The following PRR16 variants were observed in gnomAD, a reference collection of about 807,000 sequenced individuals.
PRR16 encodes the protein protein Largen.
PRR16 carries 6 observed loss-of-function variants against 18.2 expected under a neutral mutation model. That is an observed-to-expected ratio of 0.33 (90% CI 0.18 to 0.65). The LOEUF (loss-of-function observed/expected upper bound fraction) is 0.65, where lower values mean the gene tolerates loss of function less well. PRR16 is among the 30% of genes least tolerant of loss of function. The pLI is 0.74. For missense variants in PRR16, 412 were observed against 376.6 expected (o/e 1.09, Z -0.78); for synonymous variants, 151 against 147.8 (o/e 1.02, Z -0.16).
At chr5:120,756,560 T>A in the PRR16 span, among the ~76,000 whole-genome samples, 22,195 of 140,186 alleles carry the variant, frequency 0.16, 2,022 homozygotes, top group Non-Finnish European at 0.2. Context: ...TGTGGAGCAT[T>A]TTTTTTCATG....
At chr5:120,604,785 C>G (rs1754100323) in intron 1 of PRR16, among the ~76,000 whole-genome samples, 2 of 152,116 alleles carry the variant, frequency 1.3e-5, no homozygotes, top group Non-Finnish European at 2.9e-5. Context: ...TTCCCCTTCA[C>G]TTTTGTAGCT....
intron 1 of PRR16, among the ~76,000 whole-genome samples, chr5:120,589,489 T>C (rs1753560378): frequency 6.6e-6 from 1 of 152,072 alleles, no homozygotes; most frequent in South Asian, 2.1e-4. Flanking sequence ...GCTGTAGATT[T>C]AGGGTGGTAT....
At chr5:120,500,396 T>A (rs1423004837) in intron 1 of PRR16, among the ~76,000 whole-genome samples, 1 of 152,184 alleles carries the variant, frequency 6.6e-6, no homozygotes, top group Non-Finnish European at 1.5e-5. Flanking sequence ...TATCTTAGTG[T>A]GATATATAAT....
intron 1 of PRR16, among the ~76,000 whole-genome samples, chr5:120,545,326 A>G (rs1752042324): frequency 6.6e-6 from 1 of 152,128 alleles, no homozygotes; most frequent in East Asian, 1.9e-4. Flanking sequence ...CATTTGATTT[A>G]TATTATTACT....
At chr5:120,519,527 T>C (rs1580677838) in intron 1 of PRR16, among the ~76,000 whole-genome samples, 2 of 152,278 alleles carry the variant, frequency 1.3e-5, no homozygotes, top group East Asian at 1.9e-4. Context: ...ACTTCAAATA[T>C]GAAGCTTTTG....
chr5:120,571,780 T>G (rs1342256952), intron 1 of PRR16, among the ~76,000 whole-genome samples: 2 of 152,114 alleles, frequency 1.3e-5, no homozygotes. Context: ...TGTTAATGGG[T>G]GAAGGACATG....
intron 1 of PRR16, among the ~76,000 whole-genome samples, chr5:120,546,071 A>G (rs941328263): frequency 6.6e-6 from 1 of 152,050 alleles, no homozygotes; most frequent in African/African-American, 2.4e-5. Context: ...GCATAAGGGT[A>G]TTTTTATCAC....
the PRR16 span, among the ~76,000 whole-genome samples, chr5:120,783,236 A>G: frequency 8.5e-5 from 13 of 152,230 alleles, no homozygotes; most frequent in Non-Finnish European, 1.6e-4. Flanking sequence ...TGATTTACTC[A>G]GTATTCATAG....
At chr5:120,781,375 T>C in the PRR16 span, 50 of 152,310 alleles carry the variant, frequency 3.3e-4, no homozygotes, top group East Asian at 8.3e-3. Flanking sequence ...ATTTTTATGC[T>C]ACTTTTGATG....
At chr5:120,788,363 G>A in the PRR16 span, among the ~76,000 whole-genome samples, 13 of 152,070 alleles carry the variant, frequency 8.5e-5, no homozygotes, top group Non-Finnish European at 1.3e-4. Flanking sequence ...TTACATAACC[G>A]TTAAAACTAT....
intron 1 of PRR16, among the ~76,000 whole-genome samples, chr5:120,667,730 A>G (rs1756442830): frequency 2.0e-5 from 3 of 151,834 alleles, no homozygotes; most frequent in Non-Finnish European, 4.4e-5. Context: ...GTCATTCAGG[A>G]GCAGGTTGTT....
chr5:120,520,771 T>C (rs1751147470), intron 1 of PRR16, among the ~76,000 whole-genome samples: 1 of 152,242 alleles, frequency 6.6e-6, no homozygotes, highest in Non-Finnish European at 1.5e-5. Flanking sequence ...AAAATGGTAG[T>C]ATTTTGTTTA....
At chr5:120,498,100 TTC>T (rs1048638167) in intron 1 of PRR16, among the ~76,000 whole-genome samples, 1 of 151,298 alleles carries the variant, frequency 6.6e-6, no homozygotes, top group Non-Finnish European at 1.5e-5. Flanking sequence ...TTGGCATTCC[TTC>T]TCTCTGTTTT....
intron 1 of PRR16, among the ~76,000 whole-genome samples, chr5:120,481,463 C>T (rs1283485381): frequency 6.6e-6 from 1 of 152,000 alleles, no homozygotes; most frequent in Non-Finnish European, 1.5e-5. Context: ...GATGTTGTTT[C>T]CATGATTAGT....
intron 1 of PRR16, among the ~76,000 whole-genome samples, chr5:120,598,592 C>G (rs1016373483): frequency 1.3e-5 from 2 of 151,802 alleles, no homozygotes; most frequent in Non-Finnish European, 2.9e-5. Flanking sequence ...ACTGCCCCCT[C>G]TAGTAGTCTC....
At chr5:120,783,309 C>A in the PRR16 span, among the ~76,000 whole-genome samples, 3 of 152,108 alleles carry the variant, frequency 2.0e-5, no homozygotes, top group Non-Finnish European at 2.9e-5. Context: ...TTAAAGATTA[C>A]AATGAAGTGC....
chr5:120,737,631 T>TTTTC, the PRR16 span, among the ~76,000 whole-genome samples: 3 of 151,752 alleles, frequency 2.0e-5, no homozygotes, highest in Non-Finnish European at 4.4e-5. Flanking sequence ...TCTCTTAGTT[T>TTTTC]TTTCTTTCTT....
At chr5:120,682,161 A>G (rs1277059222) in intron 1 of PRR16, among the ~76,000 whole-genome samples, 1 of 152,054 alleles carries the variant, frequency 6.6e-6, no homozygotes, top group Non-Finnish European at 1.5e-5. Flanking sequence ...AATCACTCAC[A>G]CTCAGGTGAT....
chr5:120,528,865 A>G (rs1751455978), intron 1 of PRR16, among the ~76,000 whole-genome samples: 2 of 152,164 alleles, frequency 1.3e-5, no homozygotes, highest in South Asian at 2.1e-4. Flanking sequence ...GATTGCACAA[A>G]TATCTAGAAT....
Sources: gnomAD v4.1 joint callset for allele counts (sites outside exome capture counted in the v4.1 genomes callset) on GRCh38, gnomAD v4.1.1 for gene constraint, MANE v1.5 for transcripts, NCBI Gene and HGNC (gene_info 2026-07-23, HGNC 2026-07-21) for gene names.